RAD9B: variants seen among roughly 807,000 people sequenced by gnomAD.
RAD9B encodes RAD9 checkpoint clamp component B.
In RAD9B, 41 loss-of-function variants were observed where a neutral mutation model predicts 48.3. That is an observed-to-expected ratio of 0.85 (90% CI 0.66 to 1.10). The LOEUF is 1.10. Among genes scored for constraint, RAD9B ranks in the 50% least tolerant of loss-of-function variants. The pLI is 0.00. For synonymous variants in RAD9B, 160 were observed against 157.9 expected, an observed-to-expected ratio of 1.01 and a Z score of -0.10; for missense variants, 444 against 485.1, an observed-to-expected ratio of 0.92 and a Z score of 0.80.
rs922391271 is a variant in RAD9B, at chr12:110,515,046, A to G, written c.489-4A>G. On this transcript the variant is annotated splice_polypyrimidine_tract_variant and splice_region_variant and intron_variant, in intron 5 of 10. Transcript: ENST00000409300. ...ATGTTAATACTGTTCTTTACATTTTATAGATTGCTTGCTGATGCCATTGTT... is the reference window on the plus strand; with the variant it reads ...ATGTTAATACTGTTCTTTACATTTTGTAGATTGCTTGCTGATGCCATTGTT... 21 of 1,521,956 alleles carry G rather than the reference A, an allele frequency of 1.4e-5. No individual in the cohort carries two copies. Among genetic ancestry groups the G allele is most frequent in the Middle Eastern group, 1.7e-4 (1 of 5,942 alleles). The allele number at this position is 1,521,956 out of a possible 1,614,324, so 94.3% of individuals were successfully genotyped here. A position where few individuals can be genotyped will look rare whatever the true frequency, so the allele number is the denominator to read the frequency against.
At chr12:110,520,525 T>G (rs2063742771) in intron 9 of RAD9B, among the ~76,000 whole-genome samples, 1 of 151,488 alleles carries the variant, frequency 6.6e-6, no homozygotes, top group Admixed American at 6.6e-5. Context: ...AGTTTTTTTT[T>G]TTGTTTTTTT....
intron 2 of RAD9B, 150 bp downstream of exon 2, chr12:110,504,026 G>T: frequency 1.9e-6 from 1 of 529,290 alleles, no homozygotes; most frequent in Non-Finnish European, 3.3e-6. Flanking sequence ...TACACTTAGA[G>T]CATGGTAAAG....
Position 110,506,614 on chromosome 12 carries a change from T to C in RAD9B, c.309T>C (p.Leu103=). ...CCATCTTTAGATGTCTGAATTCCCT[T>C]GAAAGAAATATAGAGAAGTGCAGAA... The part of the protein sequence containing the change: ...ILPIFRCLNS[L]ERNIEKCRIF... Residue 103 remains leucine (L), a synonymous_variant, in exon 4 of 11, where the codon CTT becomes CTC. Coordinates refer to ENST00000409300, the MANE Select transcript of RAD9B (RefSeq NM_001286535.2). The C allele has an allele frequency of 3.1e-6, 5 of 1,603,052 alleles. No homozygotes were observed. Among genetic ancestry groups the C allele is most frequent in the Non-Finnish European group, 3.4e-6 (4 of 1,170,328 alleles).
intron 2 of RAD9B, among the ~76,000 whole-genome samples, chr12:110,504,254 A>C (rs1431982680): frequency 6.6e-6 from 1 of 151,674 alleles, no homozygotes; most frequent in Non-Finnish European, 1.5e-5. Context: ...GGATCACCTG[A>C]GGTCAGGAGT....
chr12:110,528,277 G>A (rs2064008374), intron 10 of RAD9B, among the ~76,000 whole-genome samples: 1 of 152,166 alleles, frequency 6.6e-6, no homozygotes, highest in South Asian at 2.1e-4. Flanking sequence ...GTTCATTTAG[G>A]AGCCAAAACT....
intron 10 of RAD9B, among the ~76,000 whole-genome samples, chr12:110,529,462 A>G (rs1182139476): frequency 6.6e-6 from 1 of 152,176 alleles, no homozygotes; most frequent in Non-Finnish European, 1.5e-5. Context: ...TATTTTAAAG[A>G]TAAGAAGACT....
chr12:110,525,798 C>T (rs956762808), intron 10 of RAD9B, among the ~76,000 whole-genome samples: 6 of 152,212 alleles, frequency 3.9e-5, no homozygotes, highest in African/African-American at 1.4e-4. Context: ...TCAAGTGATT[C>T]TCCTACCTCA....
Position 110,512,800 on chromosome 12 carries a change from T to C in RAD9B, c.410T>C (p.Ile137Thr), listed in dbSNP as rs1176934372. 2.1e-6 allele frequency: 3 copies of C among 1,438,746 alleles called. No homozygotes were observed. Among genetic ancestry groups the C allele is most frequent in the Non-Finnish European group, 2.9e-6 (3 of 1,043,492 alleles). 89.1% of individuals were successfully genotyped at this position (1,438,746 alleles called of 1,614,324 possible). A position where few individuals can be genotyped will look rare whatever the true frequency, so the allele number is the denominator to read the frequency against. The change falls in exon 5 of 11, where the codon ATA (isoleucine) becomes ACA (threonine). Residue 137 changes from isoleucine to threonine, a missense_variant. Transcript: ENST00000409300. ...YRHGIKRTHN[I>T]CFQESQPLQV... ...TAAGGTATTAAAAGAACTCATAATA[T>C]ATGTTTTCAAGAAAGTCAGCCTTTG...
At chr12:110,524,243 A>G (rs2063866554) in intron 10 of RAD9B, among the ~76,000 whole-genome samples, 1 of 152,224 alleles carries the variant, frequency 6.6e-6, no homozygotes, top group Admixed American at 6.5e-5. Flanking sequence ...TAAAGATGCA[A>G]CAGGCACATG....
Position 110,515,035 on chromosome 12 carries a change from C to G in RAD9B, c.489-15C>G. On this transcript the variant is annotated splice_polypyrimidine_tract_variant and intron_variant, in intron 5 of 10. Coordinates refer to ENST00000409300, the MANE Select transcript of RAD9B (RefSeq NM_001286535.2). ...TTTTTCAAATAATGTTAATACTGTT[C>G]TTTACATTTTATAGATTGCTTGCTG... The G allele has an allele frequency of 2.1e-6, 3 of 1,451,716 alleles. No homozygotes were observed. The highest frequency in any genetic ancestry group is 2.8e-6 in the Non-Finnish European group (3 of 1,057,504). The allele number at this position is 1,451,716 out of a possible 1,614,324, so 89.9% of individuals were successfully genotyped here.
At chr12:110,515,310 A>G (rs2063574261) in intron 6 of RAD9B, among the ~76,000 whole-genome samples, 154 bp downstream of exon 6, 1 of 152,240 alleles carries the variant, frequency 6.6e-6, no homozygotes, top group Admixed American at 6.5e-5. Flanking sequence ...AGATCCAACA[A>G]GTTTAACACA....
intron 5 of RAD9B, among the ~76,000 whole-genome samples, chr12:110,514,210 G>GC (rs1423456761): frequency 4.6e-5 from 7 of 152,078 alleles, no homozygotes; most frequent in Non-Finnish European, 4.4e-5. Context: ...CATTTTGATA[G>GC]CAAGAAACAC....
chr12:110,530,335 A>G lies in RAD9B; in HGVS notation c.1126-190A>G, dbSNP rs187552467. Among the ~76,000 whole-genome samples, 1,402 of 152,130 alleles carry G rather than the reference A, an allele frequency of 9.2e-3. 3 individuals carry two copies. Among genetic ancestry groups the G allele is most frequent in the African/African-American group, 9.8e-3 (408 of 41,458 alleles). ...ACTGAGATTACAGGCGTGAGCCACCATGCGCGGCCAAGGTTTGGTTTTAGG... is the reference window on the plus strand; with the variant it reads ...ACTGAGATTACAGGCGTGAGCCACCGTGCGCGGCCAAGGTTTGGTTTTAGG... On this transcript the variant is annotated intron_variant, in intron 10 of 10. Transcript: ENST00000409300.
chr12:110,514,589 G>A (rs1473328544), intron 5 of RAD9B, among the ~76,000 whole-genome samples: 2 of 152,308 alleles, frequency 1.3e-5, no homozygotes, highest in East Asian at 3.9e-4. Flanking sequence ...GGTAACAGTC[G>A]AGGAAAGGAG....
At position 110,518,726 on chromosome 12, in the gene RAD9B, G is replaced by A. The variant is rs147883486; in HGVS notation, c.646G>A (p.Asp216Asn). 1.5e-4 allele frequency: 235 copies of A among 1,612,110 alleles called. No homozygotes were observed. Among genetic ancestry groups the A allele is most frequent in the Non-Finnish European group, 1.9e-4 (229 of 1,178,750 alleles). The change falls in exon 7 of 11, where the codon GAC (aspartate) becomes AAC (asparagine). Residue 216 changes from aspartate (D) to asparagine (N), a missense_variant. Transcript: ENST00000409300. ...SEMFVGSDEF[D>N]FFQIGMDTEI... The stretch of plus-strand genomic sequence containing the variant: ...GATGTTTGTTGGCTCAGATGAGTTT[G>A]ACTTCTTTCAAATTGGAATGGACAC...
At chr12:110,509,286 T>C (rs1002621193) in intron 4 of RAD9B, among the ~76,000 whole-genome samples, 10 of 151,790 alleles carry the variant, frequency 6.6e-5, no homozygotes, top group African/African-American at 2.4e-4. Flanking sequence ...TTATATTGTT[T>C]GTAGAGATGG....
intron 9 of RAD9B, among the ~76,000 whole-genome samples, chr12:110,520,930 T>C (rs2063767335): frequency 6.6e-6 from 1 of 152,146 alleles, no homozygotes; most frequent in Admixed American, 6.6e-5. Context: ...ATTACAAGCA[T>C]GAGCCACTGC....
intron 10 of RAD9B, among the ~76,000 whole-genome samples, chr12:110,529,238 G>T (rs546165358): frequency 6.6e-6 from 1 of 152,220 alleles, no homozygotes; most frequent in South Asian, 2.1e-4. Flanking sequence ...CTGCCTCCCA[G>T]GTTCAAGTGA....
In RAD9B at chr12:110,533,531, A is replaced by T. The variant is rs747329212; in HGVS notation, c.*2878A>T. On this transcript the variant is annotated 3_prime_UTR_variant, in exon 11 of 11. Transcript: ENST00000409300. ...AGAAGTTCAATTTTGCAAAGAATTT[A>T]ATTTTAAATAAATAGAATCCAAATA... 5.3e-5 allele frequency: 8 copies of T among 152,228 alleles called. No homozygotes were observed. The highest frequency in any genetic ancestry group is 1.2e-4 in the Non-Finnish European group (8 of 68,034). 9.4% of individuals were successfully genotyped at this position (152,228 alleles called of 1,614,324 possible).
Sources: gnomAD v4.1 joint callset for allele counts (sites outside exome capture counted in the v4.1 genomes callset) on GRCh38, gnomAD v4.1.1 for gene constraint, MANE v1.5 for transcripts, NCBI Gene and HGNC (gene_info 2026-07-23, HGNC 2026-07-21) for gene names.